The following TEK variants were observed in gnomAD, a reference collection of about 807,000 sequenced individuals.
TEK encodes angiopoietin-1 receptor.
TEK carries 43 observed loss-of-function variants against 131.8 expected under a neutral mutation model. The observed-to-expected ratio is 0.33, with a 90% confidence interval of 0.26 to 0.42. The LOEUF (loss-of-function observed/expected upper bound fraction) is 0.42, where lower values mean the gene tolerates loss of function less well. Ranked by LOEUF, TEK falls within the 10% of genes least tolerant of loss-of-function variation. TEK has a pLI of 1.00. For missense variants in TEK, 1,162 were observed against 1,384.4 expected (o/e 0.84, Z 2.55); for synonymous variants, 580 against 491.6 (o/e 1.18, Z -2.38).
intron 15 of TEK, among the ~76,000 whole-genome samples, chr9:27,207,780 A>G (rs745669485): frequency 1.2e-4 from 18 of 152,186 alleles, no homozygotes; most frequent in East Asian, 1.9e-4. Context: ...TATTGAATCT[A>G]TGAATTACCT....
intron 21 of TEK, among the ~76,000 whole-genome samples, chr9:27,227,549 C>A (rs1358584192): frequency 6.6e-6 from 1 of 152,156 alleles, no homozygotes; most frequent in Non-Finnish European, 1.5e-5. Flanking sequence ...GATTTGGTGG[C>A]CATGAGCCAT....
chr9:27,219,190 T>TATCA (rs1486146036), intron 20 of TEK, among the ~76,000 whole-genome samples: 2 of 152,222 alleles, frequency 1.3e-5, no homozygotes, highest in Admixed American at 1.3e-4. Flanking sequence ...ATCCTAGTTT[T>TATCA]ATCAATATTG....
At chr9:27,209,317 TAAG>T in intron 16 of TEK, 86 bp downstream of exon 16, 8 of 997,352 alleles carry the variant, frequency 8.0e-6, no homozygotes, top group Non-Finnish European at 1.3e-5. Context: ...ATAATGATCT[TAAG>T]AATGTTGCCT....
chr9:27,228,128 TCTCTC>T, intron 21 of TEK, 73 bp from the exon 22 acceptor site: 1 of 1,269,672 alleles, frequency 7.9e-7, no homozygotes, highest in Non-Finnish European at 1.1e-6. Flanking sequence ...GTGGCTTCAT[TCTCTC>T]CTCTCTTTTC....
intron 20 of TEK, among the ~76,000 whole-genome samples, chr9:27,219,745 AT>A (rs879494966): frequency 0.46 from 59,530 of 129,516 alleles, 13,783 homozygotes; most frequent in Middle Eastern, 0.57. Flanking sequence ...GGTTAATCTT[AT>A]TGGTATAATA....
intron 1 of TEK, among the ~76,000 whole-genome samples, chr9:27,138,556 T>G (rs778950518): frequency 1.3e-5 from 2 of 152,178 alleles, no homozygotes; most frequent in Admixed American, 1.3e-4. Flanking sequence ...ACCCAGGAAG[T>G]CCAGCTGGCT....
chr9:27,126,747 A>G (rs1564042407), intron 1 of TEK, among the ~76,000 whole-genome samples: 1 of 152,176 alleles, frequency 6.6e-6, no homozygotes, highest in Non-Finnish European at 1.5e-5. Flanking sequence ...TAGTGATGGA[A>G]GCAGGAGGAA....
intron 1 of TEK, among the ~76,000 whole-genome samples, chr9:27,111,826 T>C (rs1821359097): frequency 6.6e-6 from 1 of 152,038 alleles, no homozygotes; most frequent in African/African-American, 2.4e-5. Flanking sequence ...TAGTATCTTC[T>C]ACGTGATCAA....
At chr9:27,119,470 G>A (rs1378187357) in intron 1 of TEK, among the ~76,000 whole-genome samples, 10 of 152,224 alleles carry the variant, frequency 6.6e-5, no homozygotes, top group East Asian at 1.9e-4. Context: ...TTTTATCCAC[G>A]AGGGCAGGCA....
intron 1 of TEK, among the ~76,000 whole-genome samples, chr9:27,139,671 A>G (rs2131082531): frequency 6.6e-6 from 1 of 151,942 alleles, no homozygotes; most frequent in Middle Eastern, 3.4e-3. Flanking sequence ...TTTTTGTTCA[A>G]CAATATATTG....
At chr9:27,165,526 A>T (rs1043860739) in intron 2 of TEK, among the ~76,000 whole-genome samples, 17 of 152,172 alleles carry the variant, frequency 1.1e-4, no homozygotes, top group Admixed American at 3.3e-4. Context: ...CCTCATGCTC[A>T]TATCACAAAT....
At chr9:27,199,314 A>T (rs1052572388) in intron 12 of TEK, among the ~76,000 whole-genome samples, 6 of 152,148 alleles carry the variant, frequency 3.9e-5, no homozygotes, top group Non-Finnish European at 8.8e-5. Context: ...ATTTTTTACT[A>T]TCATGAACAA....
chr9:27,214,378 G>T (rs549274878), intron 18 of TEK, among the ~76,000 whole-genome samples: 38 of 152,164 alleles, frequency 2.5e-4, no homozygotes, highest in Non-Finnish European at 4.3e-4. Flanking sequence ...TACTCTGGTG[G>T]ATGGCTCTCC....
intron 12 of TEK, among the ~76,000 whole-genome samples, chr9:27,200,521 C>A (rs1825177873): frequency 1.3e-5 from 2 of 152,086 alleles, no homozygotes; most frequent in Admixed American, 6.6e-5. Flanking sequence ...GAGTTGATCC[C>A]TATAGGGTCA....
intron 1 of TEK, among the ~76,000 whole-genome samples, chr9:27,125,960 GA>G (rs1821971389): frequency 2.0e-5 from 3 of 152,168 alleles, no homozygotes; most frequent in Admixed American, 1.3e-4. Flanking sequence ...GATATAAACA[GA>G]AAAAAACACA....
At chr9:27,175,085 C>A (rs1341567727) in intron 6 of TEK, among the ~76,000 whole-genome samples, 2 of 148,738 alleles carry the variant, frequency 1.3e-5, no homozygotes, top group East Asian at 2.0e-4. Flanking sequence ...GTGCTGCACC[C>A]ATCAACTCGT....
intron 7 of TEK, among the ~76,000 whole-genome samples, chr9:27,181,614 G>A (rs1824377428): frequency 6.6e-6 from 1 of 152,018 alleles, no homozygotes; most frequent in African/African-American, 2.4e-5. Flanking sequence ...TTATTATAAA[G>A]AAAAAAATTT....
chr9:27,221,877 T>C (rs372241966), intron 21 of TEK, among the ~76,000 whole-genome samples: 2 of 151,990 alleles, frequency 1.3e-5, no homozygotes, highest in East Asian at 3.9e-4. Context: ...GGAACAAAAT[T>C]GGACGAATGA....
Position 27,220,080 on chromosome 9 carries a change from A to C in TEK, c.3135A>C (p.Ala1045=), listed in dbSNP as rs1372085133. ...CACCCTACTGCGGGATGACTTGTGC[A>C]GAACTCTACGAGAAGCTGCCCCAGG... ...GGTPYCGMTC[A]ELYEKLPQGY... Residue 1045 remains alanine, a synonymous_variant, in exon 21 of 23, where the codon GCA becomes GCC. Coordinates refer to ENST00000380036, the MANE Select transcript of TEK (RefSeq NM_000459.5). The C allele has an allele frequency of 6.2e-7, 1 of 1,614,136 alleles. No homozygotes were observed. Among genetic ancestry groups the C allele is most frequent in the Admixed American group, 1.7e-5 (1 of 60,028 alleles).
Sources: gnomAD v4.1 joint callset for allele counts (sites outside exome capture counted in the v4.1 genomes callset) on GRCh38, gnomAD v4.1.1 for gene constraint, MANE v1.5 for transcripts, NCBI Gene and HGNC (gene_info 2026-07-23, HGNC 2026-07-21) for gene names.